RAB3IP: variants seen among roughly 807,000 people sequenced by gnomAD.
RAB3IP encodes rab-3A-interacting protein.
In RAB3IP, 36 loss-of-function variants were observed where a neutral mutation model predicts 59.1. The ratio of observed to expected loss-of-function variants is 0.61; its 90% confidence interval spans 0.47 to 0.80. RAB3IP has a LOEUF of 0.80. Among genes scored for constraint, RAB3IP ranks in the 30% least tolerant of loss-of-function variants. The pLI is 0.00. For missense variants in RAB3IP, 511 were observed against 536.0 expected (o/e 0.95, Z 0.46); for synonymous variants, 207 against 191.2 (o/e 1.08, Z -0.68).
intron 1 of RAB3IP, among the ~76,000 whole-genome samples, chr12:69,742,081 A>G (rs1887399896): frequency 6.6e-6 from 1 of 152,204 alleles, no homozygotes. Context: ...TTCAAAATGT[A>G]GAACGCACTT....
intron 3 of RAB3IP, among the ~76,000 whole-genome samples, chr12:69,784,420 T>C (rs1875288284): frequency 2.7e-5 from 4 of 150,532 alleles, no homozygotes; most frequent in Admixed American, 2.7e-4. Context: ...AGAAGTCATT[T>C]TGTTTATTTT....
chr12:69,787,905 A>G (rs12297233), intron 4 of RAB3IP, among the ~76,000 whole-genome samples: 6,039 of 152,262 alleles, frequency 0.04, 400 homozygotes, highest in African/African-American at 0.14. Flanking sequence ...GCTAATGGAC[A>G]TACTAATGTG....
At position 69,818,076 on chromosome 12, in the gene RAB3IP, T is replaced by C. The variant is rs1881326508; in HGVS notation, c.*2630T>C. ...AATGAAGAAACACAAAGTCAAGTTTTGGAGAGGGTTTTAGTCATTAGGATC... is the reference window on the plus strand; with the variant it reads ...AATGAAGAAACACAAAGTCAAGTTTCGGAGAGGGTTTTAGTCATTAGGATC... On this transcript the variant is annotated 3_prime_UTR_variant, in exon 11 of 11. Coordinates refer to ENST00000247833, the MANE Select transcript of RAB3IP (RefSeq NM_022456.5). 6.6e-6 allele frequency: 1 copy of C among 152,214 alleles called. No individual in the cohort carries two copies. The highest frequency in any genetic ancestry group is 2.4e-5 in the African/African-American group (1 of 41,458). The allele number at this position is 152,214 out of a possible 1,614,324, so 9.4% of individuals were successfully genotyped here. A position where few individuals can be genotyped will look rare whatever the true frequency, so the allele number is the denominator to read the frequency against.
intron 8 of RAB3IP, among the ~76,000 whole-genome samples, chr12:69,802,753 G>C (rs1878588998): frequency 6.6e-6 from 1 of 152,184 alleles, no homozygotes; most frequent in Admixed American, 6.5e-5. Context: ...GGAATTGTGT[G>C]CTTGTTTCTA....
chr12:69,743,814 A>G (rs1887578173), intron 1 of RAB3IP, among the ~76,000 whole-genome samples: 1 of 148,738 alleles, frequency 6.7e-6, no homozygotes, highest in South Asian at 2.1e-4. Context: ...TAGCCTGAAT[A>G]ACTGTCTCCA....
At chr12:69,759,984 C>T (rs555662672) in intron 3 of RAB3IP, among the ~76,000 whole-genome samples, 1,657 of 152,198 alleles carry the variant, frequency 0.011, 27 homozygotes, top group African/African-American at 0.037. Context: ...GGGTGGCGGC[C>T]GGGCAGAGGC....
chr12:69,758,756 CTTTTTTTT>C lies in RAB3IP; in HGVS notation c.510+2111_510+2118del, dbSNP rs71437121. Among the ~76,000 whole-genome samples the C allele has an allele frequency of 6.8e-4, 33 of 48,232 alleles. 1 individual carries two copies. Among genetic ancestry groups the C allele is most frequent in the East Asian group, 3.1e-3 (3 of 974 alleles). 31.6% of individuals were successfully genotyped at this position (48,232 alleles called of 152,430 possible). On this transcript the variant is annotated intron_variant, in intron 3 of 10. Transcript: ENST00000247833. The stretch of plus-strand genomic sequence containing the variant: ...TACATGGGCATCTGTGTGTTCATTC[CTTTTTTTT>C]TTTTTTTTTTTTTTTTTACAAGTTT...
intron 3 of RAB3IP, among the ~76,000 whole-genome samples, chr12:69,784,156 AG>A (rs1794604569): frequency 6.6e-6 from 1 of 152,158 alleles, no homozygotes; most frequent in Non-Finnish European, 1.5e-5. Flanking sequence ...ATATAAATGT[AG>A]AATGTGATTT....
intron 1 of RAB3IP, chr12:69,739,782 C>T (rs1887102204): frequency 5.6e-6 from 9 of 1,601,002 alleles, no homozygotes; most frequent in Non-Finnish European, 7.7e-6. Flanking sequence ...GAAGCGCGAG[C>T]TTACTGGCTC....
intron 8 of RAB3IP, among the ~76,000 whole-genome samples, chr12:69,810,692 G>C (rs115589718): frequency 1.3e-5 from 2 of 152,160 alleles, no homozygotes; most frequent in East Asian, 1.9e-4. Flanking sequence ...AGATTGGGGT[G>C]GGGGGATGGG....
At chr12:69,800,901 T>C (rs1281915295) in intron 7 of RAB3IP, among the ~76,000 whole-genome samples, 2 of 152,210 alleles carry the variant, frequency 1.3e-5, no homozygotes, top group Non-Finnish European at 2.9e-5. Flanking sequence ...TCAATTAAAG[T>C]ATAAGAAATT....
intron 1 of RAB3IP, among the ~76,000 whole-genome samples, chr12:69,747,446 C>T (rs987231709): frequency 6.6e-6 from 1 of 152,032 alleles, no homozygotes; most frequent in East Asian, 1.9e-4. Flanking sequence ...GGACCACAGG[C>T]GTATGCCACC....
chr12:69,819,915 C>A lies in RAB3IP; in HGVS notation c.*4469C>A, dbSNP rs1384789126. ...CTTGAAGACAATTTACAGTCTTTGA[C>A]TAAGCATCCACACTGGAAGAACAAG... is the stretch of plus-strand genomic sequence containing the variant. On this transcript the variant is annotated 3_prime_UTR_variant, in exon 11 of 11. Transcript: ENST00000247833. 2 of 152,158 alleles carry A rather than the reference C, an allele frequency of 1.3e-5. No homozygotes were observed. The highest frequency in any genetic ancestry group is 2.9e-5 in the Non-Finnish European group (2 of 68,040). 9.4% of individuals were successfully genotyped at this position (152,158 alleles called of 1,614,324 possible).
chr12:69,805,722 G>A (rs571603264), intron 8 of RAB3IP, among the ~76,000 whole-genome samples: 1 of 151,474 alleles, frequency 6.6e-6, no homozygotes, highest in Non-Finnish European at 1.5e-5. Context: ...GTTGAATTTT[G>A]TCAAAGGCCT....
chr12:69,739,657 C>G (rs1592409629), intron 1 of RAB3IP: 1 of 631,600 alleles, frequency 1.6e-6, no homozygotes, highest in East Asian at 2.8e-5. Flanking sequence ...GAGTCGCGCC[C>G]AAGTAGGCAG....
intron 3 of RAB3IP, among the ~76,000 whole-genome samples, chr12:69,765,787 T>C (rs1056280775): frequency 6.6e-6 from 1 of 152,254 alleles, no homozygotes; most frequent in African/African-American, 2.4e-5. Context: ...TATCATTCTT[T>C]TGTTTCTATG....
intron 1 of RAB3IP, among the ~76,000 whole-genome samples, chr12:69,747,759 GAC>G (rs1382898147): frequency 2.0e-5 from 3 of 152,154 alleles, no homozygotes; most frequent in Admixed American, 1.3e-4. Flanking sequence ...TCTTCTAGTA[GAC>G]AAGTACATTC....
chr12:69,763,779 TC>T (rs1871752561), intron 3 of RAB3IP, among the ~76,000 whole-genome samples: 1 of 152,138 alleles, frequency 6.6e-6, no homozygotes, highest in South Asian at 2.1e-4. Flanking sequence ...TGTCTAGTAG[TC>T]CCCAGTTTCT....
rs1468988714 is a variant in RAB3IP at position 69,738,899 on chromosome 12, AG to A, written c.-157del. 1 of 152,000 alleles carries A rather than the reference AG, an allele frequency of 6.6e-6. No individual in the cohort carries two copies. The highest frequency in any genetic ancestry group is 1.9e-4 in the East Asian group (1 of 5,158). The allele number at this position is 152,000 out of a possible 1,614,324, so 9.4% of individuals were successfully genotyped here. On this transcript the variant is annotated 5_prime_UTR_variant, in exon 1 of 11. It adds an upstream start codon to the 5' untranslated region. Transcript: ENST00000247833. ...GCGTTCCCTCGGCGGCTGCCGGCGT[AG>A]TGAGCCCGCCGCCGTGGAGTGTAGC...
Sources: allele counts gnomAD v4.1 joint callset (sites outside exome capture counted in the v4.1 genomes callset), GRCh38; gene constraint gnomAD v4.1.1; transcripts MANE v1.5; gene names NCBI Gene and HGNC (gene_info 2026-07-23, HGNC 2026-07-21).